Variants in DCBLD1 observed in about 807,000 individuals in gnomAD.
DCBLD1 encodes the protein discoidin, CUB and LCCL domain containing 1.
A neutral mutation model predicts 71.5 loss-of-function variants in DCBLD1; 57 were observed. The observed-to-expected ratio is 0.80, with a 90% CI of 0.64 to 0.99. The LOEUF is 0.99. Ranked by LOEUF, DCBLD1 falls within the 50% of genes least tolerant of loss-of-function variation. DCBLD1 has a pLI of 0.00. For missense variants in DCBLD1, 891 were observed against 923.5 expected (o/e 0.96, Z 0.46); for synonymous variants, 380 against 363.8 (o/e 1.04, Z -0.51).
intron 14 of DCBLD1, chr6:117,562,742 T>G (rs1013504472): frequency 4.8e-6 from 1 of 206,792 alleles, no homozygotes; most frequent in Non-Finnish European, 9.9e-6. Context: ...GCACAATAAA[T>G]TTTTTTAAGT....
At chr6:117,504,561 G>A (rs1041041102) in intron 2 of DCBLD1, among the ~76,000 whole-genome samples, 1 of 152,194 alleles carries the variant, frequency 6.6e-6, no homozygotes, top group Non-Finnish European at 1.5e-5. Flanking sequence ...GTGGACATTT[G>A]AGCAGAGACC....
intron 1 of DCBLD1, among the ~76,000 whole-genome samples, chr6:117,484,617 G>A (rs1378462089): frequency 6.6e-6 from 1 of 152,150 alleles, no homozygotes; most frequent in African/African-American, 2.4e-5. Flanking sequence ...CCAAGGTGCT[G>A]GGACTACAGG....
intron 1 of DCBLD1, among the ~76,000 whole-genome samples, chr6:117,488,027 C>G (rs1582957950): frequency 1.3e-5 from 2 of 152,302 alleles, no homozygotes; most frequent in East Asian, 1.9e-4. Flanking sequence ...CGCTGGTATG[C>G]TGAATCTAGA....
intron 1 of DCBLD1, among the ~76,000 whole-genome samples, chr6:117,485,848 T>C (rs541028814): frequency 6.6e-6 from 1 of 152,354 alleles, no homozygotes; most frequent in Admixed American, 6.5e-5. Flanking sequence ...TTTCTATATG[T>C]AAGGATGCCT....
At chr6:117,501,028 T>A (rs900441103) in intron 1 of DCBLD1, among the ~76,000 whole-genome samples, 1 of 152,228 alleles carries the variant, frequency 6.6e-6, no homozygotes, top group African/African-American at 2.4e-5. Flanking sequence ...TCCTCTTTTA[T>A]GAAAGGAGAA....
chr6:117,549,712 G>T lies in DCBLD1; in HGVS notation c.*1273G>T. The T allele has an allele frequency of 1.2e-5, 12 of 985,436 alleles. No homozygotes were observed. The highest frequency in any genetic ancestry group is 1.4e-5 in the Non-Finnish European group (12 of 829,960). The allele number at this position is 985,436 out of a possible 1,614,324, so 61.0% of individuals were successfully genotyped here. On this transcript the variant is annotated 3_prime_UTR_variant, in exon 15 of 15. Coordinates refer to ENST00000338728, the MANE Select transcript of DCBLD1 (RefSeq NM_001366458.2). ...GAAGGTCATGGCAGACTAGCTGCTG[G>T]TTAGTGTGGAGGGGAAATGGTTTAC...
At chr6:117,488,199 G>C (rs1777156420) in intron 1 of DCBLD1, among the ~76,000 whole-genome samples, 1 of 152,338 alleles carries the variant, frequency 6.6e-6, no homozygotes, top group African/African-American at 2.4e-5. Context: ...CACATAGCAG[G>C]CTCCGGGTAA....
chr6:117,523,696 G>A (rs1217243327), intron 4 of DCBLD1, among the ~76,000 whole-genome samples: 4 of 152,102 alleles, frequency 2.6e-5, no homozygotes. Context: ...AAAGGTCAAT[G>A]GGAAAAAATT....
intron 1 of DCBLD1, among the ~76,000 whole-genome samples, chr6:117,492,770 T>C (rs966278275): frequency 2.6e-5 from 4 of 152,312 alleles, no homozygotes; most frequent in African/African-American, 9.6e-5. Flanking sequence ...TTTCATACCT[T>C]ATTAGATGTA....
chr6:117,529,987 T>C (rs1778662527), intron 5 of DCBLD1, among the ~76,000 whole-genome samples: 1 of 152,208 alleles, frequency 6.6e-6, no homozygotes, highest in Admixed American at 6.5e-5. Context: ...GAACCTGTCA[T>C]CTTACAGCCA....
chr6:117,566,954 C>T, intron 14 of DCBLD1: 1 of 1,611,818 alleles, frequency 6.2e-7, no homozygotes, highest in Non-Finnish European at 8.5e-7. Context: ...GATGTCCACT[C>T]TCATCTTCAT....
chr6:117,511,452 A>G (rs1012394481), intron 2 of DCBLD1, among the ~76,000 whole-genome samples: 2 of 152,242 alleles, frequency 1.3e-5, no homozygotes, highest in African/African-American at 2.4e-5. Flanking sequence ...TTGTTCTCCT[A>G]CGTTTTCTGT....
At chr6:117,485,114 T>C (rs988702189) in intron 1 of DCBLD1, 1 of 152,262 alleles carries the variant, frequency 6.6e-6, no homozygotes, top group African/African-American at 2.4e-5. Flanking sequence ...CATTAGTTTT[T>C]ATTCCACTTG....
intron 14 of DCBLD1, among the ~76,000 whole-genome samples, chr6:117,554,873 C>T (rs1413087010): frequency 7.0e-6 from 1 of 143,566 alleles, no homozygotes; most frequent in African/African-American, 2.6e-5. Flanking sequence ...AGCCTGGCAA[C>T]AGAGCGAGAC....
intron 1 of DCBLD1, among the ~76,000 whole-genome samples, chr6:117,501,192 C>G (rs1777645623): frequency 6.6e-6 from 1 of 152,064 alleles, no homozygotes; most frequent in Non-Finnish European, 1.5e-5. Context: ...TAAATGCTTA[C>G]AAAGGTAGGG....
At chr6:117,499,620 T>C (rs1777585709) in intron 1 of DCBLD1, among the ~76,000 whole-genome samples, 1 of 152,278 alleles carries the variant, frequency 6.6e-6, no homozygotes, top group African/African-American at 2.4e-5. Context: ...CAGAGAGATA[T>C]TGTATACATT....
chr6:117,484,634 T>A (rs1156597107), intron 1 of DCBLD1, among the ~76,000 whole-genome samples: 1 of 152,164 alleles, frequency 6.6e-6, no homozygotes, highest in African/African-American at 2.4e-5. Flanking sequence ...CAGGCATGTG[T>A]GGTTGCTTAG....
chr6:117,502,159 T>C (rs146298809), intron 1 of DCBLD1, among the ~76,000 whole-genome samples: 38 of 152,342 alleles, frequency 2.5e-4, no homozygotes, highest in African/African-American at 8.2e-4. Context: ...CTTTTTCTAA[T>C]ACCTGTTTCG....
chr6:117,522,950 TAATG>T, intron 4 of DCBLD1, among the ~76,000 whole-genome samples: 1 of 152,346 alleles, frequency 6.6e-6, no homozygotes, highest in Admixed American at 6.5e-5. Flanking sequence ...TTGGACATTC[TAATG>T]AATGAGATTA....
Sources: allele counts gnomAD v4.1 joint callset (sites outside exome capture counted in the v4.1 genomes callset), GRCh38; gene constraint gnomAD v4.1.1; transcripts MANE v1.5; gene names NCBI Gene and HGNC (gene_info 2026-07-23, HGNC 2026-07-21).